ZBTB49: variants seen among roughly 807,000 people sequenced by gnomAD.
The protein encoded by ZBTB49 is zinc finger and BTB domain-containing protein 49.
Under a neutral mutation model 57.5 loss-of-function variants are expected in ZBTB49, and 43 were observed. That is an observed-to-expected ratio of 0.75 (90% confidence interval 0.59 to 0.97). The LOEUF (loss-of-function observed/expected upper bound fraction) is 0.97, where lower values mean the gene tolerates loss of function less well. Ranked by LOEUF, ZBTB49 falls within the 50% of genes least tolerant of loss-of-function variation. ZBTB49 has a pLI of 0.00. For missense variants in ZBTB49, 938 were observed against 947.7 expected (o/e 0.99, Z 0.13); for synonymous variants, 369 against 362.1 (o/e 1.02, Z -0.22).
intron 1 of ZBTB49, among the ~76,000 whole-genome samples, chr4:4,296,848 A>T (rs1318803638): frequency 6.6e-6 from 1 of 152,132 alleles, no homozygotes; most frequent in African/African-American, 2.4e-5. Context: ...CCACCAAAGG[A>T]CAGGGTGAAG....
intron 3 of ZBTB49, among the ~76,000 whole-genome samples, chr4:4,304,664 C>T (rs2916479): frequency 0.072 from 10,928 of 152,120 alleles, 984 homozygotes; most frequent in East Asian, 0.32. Flanking sequence ...CCGAGAAGGG[C>T]AGCAATTCTC....
At chr4:4,305,291 A>G (rs573482387) in intron 3 of ZBTB49, among the ~76,000 whole-genome samples, 70 of 152,310 alleles carry the variant, frequency 4.6e-4, no homozygotes, top group African/African-American at 1.6e-3. Flanking sequence ...GCAAGCCCCA[A>G]CGATATAGTA....
At chr4:4,318,895 T>C (rs201765013) in intron 7 of ZBTB49, among the ~76,000 whole-genome samples, 4 of 160 alleles carry the variant, frequency 0.025, no homozygotes, top group Non-Finnish European at 0.11. Flanking sequence ...TTTTTTAATC[T>C]TTTTTTTTTT....
At chr4:4,298,402 C>A (rs1720316621) in intron 1 of ZBTB49, among the ~76,000 whole-genome samples, 1 of 151,802 alleles carries the variant, frequency 6.6e-6, no homozygotes, top group South Asian at 2.1e-4. Flanking sequence ...CAGATGATGC[C>A]TTTTTAGATT....
At chr4:4,298,518 C>G (rs550701567) in intron 1 of ZBTB49, among the ~76,000 whole-genome samples, 1 of 152,110 alleles carries the variant, frequency 6.6e-6, no homozygotes, top group South Asian at 2.1e-4. Flanking sequence ...CCTCAACCTT[C>G]TGGCCTCAAG....
intron 4 of ZBTB49, among the ~76,000 whole-genome samples, chr4:4,310,485 G>A (rs1577243381): frequency 6.6e-6 from 1 of 151,744 alleles, no homozygotes; most frequent in Non-Finnish European, 1.5e-5. Flanking sequence ...CTTAATAAAC[G>A]AGAGCTATTA....
rs373992763 is a variant in ZBTB49, at chr4:4,319,844, G to A, written c.1622-796G>A. Among the ~76,000 whole-genome samples, 328 of 149,404 alleles carry A rather than the reference G, an allele frequency of 2.2e-3. 1 individual carries two copies. The highest frequency in any genetic ancestry group is 7.6e-3 in the African/African-American group (308 of 40,464). On this transcript the variant is annotated intron_variant, in intron 7 of 7. Transcript: ENST00000337872. ...AGGCTGAGGTGGGCAGATCACTTGA[G>A]GTCAGGAGTTCAAGACCAGCCTGGC...
intron 4 of ZBTB49, 124 bp from the exon 5 acceptor site, chr4:4,312,917 T>C: frequency 9.4e-7 from 1 of 1,058,342 alleles, no homozygotes. Context: ...TGTGTGTAGC[T>C]CATCTTCATC....
intron 4 of ZBTB49, among the ~76,000 whole-genome samples, chr4:4,308,371 C>G (rs1720830982): frequency 6.6e-6 from 1 of 152,132 alleles, no homozygotes; most frequent in African/African-American, 2.4e-5. Context: ...GCCACCGTGC[C>G]CAGCCACGTA....
intron 1 of ZBTB49, among the ~76,000 whole-genome samples, chr4:4,295,134 C>T (rs1295836690): frequency 6.6e-6 from 1 of 152,138 alleles, no homozygotes; most frequent in Non-Finnish European, 1.5e-5. Context: ...GATCCATTAT[C>T]ACACTGCTAT....
intron 1 of ZBTB49, among the ~76,000 whole-genome samples, chr4:4,295,096 A>T (rs144085974): frequency 6.6e-6 from 1 of 152,044 alleles, no homozygotes; most frequent in Admixed American, 6.6e-5. Flanking sequence ...GTTCTTAGAG[A>T]CTTGCTTCAG....
intron 1 of ZBTB49, 97 bp from the exon 2 acceptor site, chr4:4,299,830 G>C (rs1242766964): frequency 3.7e-6 from 4 of 1,077,686 alleles, no homozygotes; most frequent in Non-Finnish European, 5.4e-6. Flanking sequence ...ACTGTGATGA[G>C]AGAGTGAAGC....
Position 4,321,385 on chromosome 4 carries a change from A to G in ZBTB49, c.*69A>G. 3 of 1,522,464 alleles carry G rather than the reference A, an allele frequency of 2.0e-6. No individual in the cohort carries two copies. Among genetic ancestry groups the G allele is most frequent in the Non-Finnish European group, 1.8e-6 (2 of 1,124,450 alleles). The allele number at this position is 1,522,464 out of a possible 1,614,324, so 94.3% of individuals were successfully genotyped here. ...AGGCTGGTGTTAAGGCTGTAGGAGG[A>G]CCCAGTTTCCCCATGACAGTGCCTT... On this transcript the variant is annotated 3_prime_UTR_variant, in exon 8 of 8. Coordinates refer to ENST00000337872, the MANE Select transcript of ZBTB49 (RefSeq NM_145291.4).
Position 4,320,655 on chromosome 4 carries a change from G to A in ZBTB49, c.1637G>A (p.Gly546Glu), listed in dbSNP as rs747278768. 65 of 1,613,834 alleles carry A rather than the reference G, an allele frequency of 4.0e-5. 1 individual carries two copies. Among genetic ancestry groups the A allele is most frequent in the Middle Eastern group, 3.3e-4 (2 of 6,084 alleles). The change falls in exon 8 of 8, where the codon GGA becomes GAA. Residue 546 changes from glycine to glutamate, a missense_variant. Around this residue, in one of 3 missense-constraint regions of ZBTB49, gnomAD observed 835 missense variants for 819.1 expected, o/e 1.02. Coordinates refer to ENST00000337872, the MANE Select transcript of ZBTB49 (RefSeq NM_145291.4). ...CTTTTTCCAGGGAAATGTTTTGGGG[G>A]ATCAGGTGACCTCCGCAGGCATGTC... Reference protein sequence around the residue: ...SCSACGKCFGGSGDLRRHVRT... With the variant: ...SCSACGKCFGESGDLRRHVRT...
chr4:4,306,966 G>A (rs1720760674), intron 4 of ZBTB49, among the ~76,000 whole-genome samples: 1 of 152,196 alleles, frequency 6.6e-6, no homozygotes, highest in South Asian at 2.1e-4. Context: ...GGAGCTGGGA[G>A]GCAGGCCCCG....
In ZBTB49 at chr4:4,290,781, G is replaced by T. The variant is rs182527552; in HGVS notation, c.-20+429G>T. Among the ~76,000 whole-genome samples the T allele has an allele frequency of 4.6e-5, 7 of 152,330 alleles. No homozygotes were observed. The East Asian group carries it at 9.7e-4, about 21-fold the overall frequency. On this transcript the variant is annotated intron_variant, in intron 1 of 7. Coordinates refer to ENST00000337872, the MANE Select transcript of ZBTB49 (RefSeq NM_145291.4). ...AGCGCTTAAGACGACAGAGCCCACA[G>T]CCTAGCTCAGTTTCATTACGGTGTG...
Position 4,321,078 on chromosome 4 carries a change from C to T in ZBTB49, c.2060C>T (p.Pro687Leu), listed in dbSNP as rs1560118612. 1 of 1,614,198 alleles carries T rather than the reference C, an allele frequency of 6.2e-7. No individual in the cohort carries two copies. The highest frequency in any genetic ancestry group is 8.5e-7 in the Non-Finnish European group (1 of 1,180,034). Residue 687 changes from proline to leucine, a missense_variant, in exon 8 of 8, where the codon CCT becomes CTT. Pro to Leu is a moderately conservative substitution (Grantham distance 98). Coordinates refer to ENST00000337872, the MANE Select transcript of ZBTB49 (RefSeq NM_145291.4). ...LAKPQMQQTQ[P>L]QAYAYSDVDT... ...AAGCCCCAGATGCAGCAGACACAGC[C>T]TCAGGCCTATGCTTACTCGGATGTG...
At chr4:4,306,976 G>A (rs779435013) in intron 4 of ZBTB49, among the ~76,000 whole-genome samples, 23 of 152,192 alleles carry the variant, frequency 1.5e-4, no homozygotes, top group Non-Finnish European at 2.2e-4. Flanking sequence ...GGCAGGCCCC[G>A]CAGAGCTTGG....
Position 4,315,858 on chromosome 4 carries a change from TG to T in ZBTB49, c.1510del (p.Asp504IlefsTer19). ...LKEHKKTHTA[D>X]KVFTCDECGK... ...AGGAGCACAAAAAGACACACACGGC[TG>T]ATAAAGTCTTCACCTGTGATGAGTG... On this transcript the variant is annotated frameshift_variant, in exon 7 of 8. Transcript: ENST00000337872. LOFTEE classifies it high-confidence loss of function. The T allele has an allele frequency of 6.2e-7, 1 of 1,614,284 alleles. No individual in the cohort carries two copies. Among genetic ancestry groups the T allele is most frequent in the Non-Finnish European group, 8.5e-7 (1 of 1,180,046 alleles).
Sources: gnomAD v4.1 joint callset for allele counts (sites outside exome capture counted in the v4.1 genomes callset) on GRCh38, gnomAD v4.1.1 for gene constraint, gnomAD v4.1.1 regional missense constraint, MANE v1.5 for transcripts, NCBI Gene and HGNC (gene_info 2026-07-23, HGNC 2026-07-21) for gene names.